The following DLGAP2 variants were observed in gnomAD, a reference collection of about 807,000 sequenced individuals.
The protein encoded by DLGAP2 is DLG associated protein 2, also known as disks large-associated protein 2.
In DLGAP2, 26 loss-of-function variants were observed where a neutral mutation model predicts 100.3. The ratio of observed to expected loss-of-function variants is 0.26; its 90% confidence interval spans 0.19 to 0.36. The LOEUF (loss-of-function observed/expected upper bound fraction) is 0.36, where lower values mean the gene tolerates loss of function less well. Ranked by LOEUF, DLGAP2 falls within the 10% of genes least tolerant of loss-of-function variation. The pLI, the probability that DLGAP2 is intolerant of heterozygous loss-of-function variation, is 1.00. For synonymous variants in DLGAP2, 886 were observed against 630.1 expected (o/e 1.41, Z -6.08); for missense variants, 1,858 against 1,453.2 (o/e 1.28, Z -4.53).
intron 2 of DLGAP2, among the ~76,000 whole-genome samples, chr8:1,206,911 C>T (rs1336226623): frequency 1.3e-5 from 2 of 152,252 alleles, no homozygotes; most frequent in Middle Eastern, 3.4e-3. Flanking sequence ...GGCCCCGTCT[C>T]CATCCACAAG....
intron 2 of DLGAP2, among the ~76,000 whole-genome samples, chr8:1,091,195 G>A (rs1046072847): frequency 6.6e-6 from 1 of 152,292 alleles, no homozygotes; most frequent in African/African-American, 2.4e-5. Context: ...TCATGTAAAC[G>A]TCACTTCGTG....
intron 2 of DLGAP2, among the ~76,000 whole-genome samples, chr8:1,053,879 A>G (rs764000574): frequency 3.9e-5 from 6 of 152,234 alleles, no homozygotes; most frequent in African/African-American, 9.6e-5. Context: ...CCTTTTCTGC[A>G]GTGCTTTTAG....
rs1340560764 is a variant in DLGAP2 at position 1,316,144 on chromosome 8, G to A, written c.106+57261G>A. ...AAAATAGAGCGTGTGCGAGTGCAGCGTCTCCCCAACAGTGGTCTACACTCG... is the reference window on the plus strand; with the variant it reads ...AAAATAGAGCGTGTGCGAGTGCAGCATCTCCCCAACAGTGGTCTACACTCG... On this transcript the variant is annotated intron_variant, in intron 3 of 14. Coordinates refer to ENST00000637795, the MANE Select transcript of DLGAP2 (RefSeq NM_001346810.2). Among the ~76,000 whole-genome samples, 8 of 116,114 alleles carry A rather than the reference G, an allele frequency of 6.9e-5. 1 individual carries two copies. The highest frequency in any genetic ancestry group is 1.9e-4 in the Admixed American group (2 of 10,640). 76.2% of individuals were successfully genotyped at this position (116,114 alleles called of 152,430 possible).
At chr8:1,042,013 C>G (rs1042844415) in intron 2 of DLGAP2, among the ~76,000 whole-genome samples, 2 of 152,174 alleles carry the variant, frequency 1.3e-5, no homozygotes, top group African/African-American at 2.4e-5. Flanking sequence ...TTCTGTGTCC[C>G]CTAGATGGAG....
intron 8 of DLGAP2, among the ~76,000 whole-genome samples, chr8:1,664,356 C>G (rs1798490416): frequency 6.6e-6 from 1 of 152,170 alleles, no homozygotes; most frequent in Non-Finnish European, 1.5e-5. Context: ...CCATCCATCT[C>G]AAGGCACGGC....
chr8:1,641,969 C>G (rs62483075), intron 8 of DLGAP2, among the ~76,000 whole-genome samples: 1 of 48,620 alleles, frequency 2.1e-5, no homozygotes. Flanking sequence ...TCACCCTCGA[C>G]CCCGCCGGTC....
intron 3 of DLGAP2, among the ~76,000 whole-genome samples, chr8:1,395,005 G>A (rs549803757): frequency 2.6e-3 from 2 of 762 alleles, no homozygotes. Flanking sequence ...CTTGTCCTCC[G>A]GAGTCGTGTA....
Position 1,185,161 on chromosome 8 carries a change from C to T in DLGAP2, c.74-73690C>T, listed in dbSNP as rs148637568. On this transcript the variant is annotated intron_variant, in intron 2 of 14. Transcript: ENST00000637795. ...GACGGCATAACTGTTGAACACGTGCCGGGCGAATGCTGTTCATTTTTATTC... is the reference window on the plus strand; with the variant it reads ...GACGGCATAACTGTTGAACACGTGCTGGGCGAATGCTGTTCATTTTTATTC... 2.0e-4 allele frequency among the ~76,000 whole-genome samples: 31 copies of T among 152,232 alleles called. No individual in the cohort carries two copies. In the South Asian group the frequency reaches 5.4e-3, roughly 27 times the overall value.
chr8:1,352,762 G>A (rs1801764680), intron 3 of DLGAP2, among the ~76,000 whole-genome samples: 2 of 152,104 alleles, frequency 1.3e-5, no homozygotes, highest in South Asian at 4.1e-4. Flanking sequence ...CTGCCTTTCT[G>A]AGGTTGGTAC....
intron 2 of DLGAP2, among the ~76,000 whole-genome samples, chr8:1,250,839 A>T (rs1375661234): frequency 6.6e-6 from 1 of 152,184 alleles, no homozygotes; most frequent in African/African-American, 2.4e-5. Context: ...CTGCTTCCTG[A>T]TTACAGTCAG....
intron 3 of DLGAP2, among the ~76,000 whole-genome samples, chr8:1,328,068 C>G (rs954928651): frequency 1.3e-5 from 2 of 151,844 alleles, no homozygotes; most frequent in East Asian, 1.9e-4. Flanking sequence ...GAGACAGAGT[C>G]TCACTCTGTC....
intron 2 of DLGAP2, among the ~76,000 whole-genome samples, chr8:1,069,383 C>T (rs1290616812): frequency 2.6e-5 from 4 of 152,270 alleles, no homozygotes; most frequent in South Asian, 4.1e-4. Context: ...GAGGACGGGC[C>T]GGCTTCTCCC....
intron 3 of DLGAP2, among the ~76,000 whole-genome samples, chr8:1,433,671 A>C (rs983118436): frequency 2.6e-5 from 4 of 151,728 alleles, no homozygotes; most frequent in African/African-American, 9.7e-5. Context: ...CAAACCACTG[A>C]ACACTGGTTA....
rs117129103 is a variant in DLGAP2 at position 747,288 on chromosome 8, C to T, written c.18+9463C>T. 6.1e-4 allele frequency among the ~76,000 whole-genome samples: 93 copies of T among 152,224 alleles called. 1 individual carries two copies. The East Asian group carries it at 0.017, about 28-fold the overall frequency. On this transcript the variant is annotated intron_variant, in intron 1 of 14. Coordinates refer to ENST00000637795, the MANE Select transcript of DLGAP2 (RefSeq NM_001346810.2). ...ATTCAGTAAAAAGACTGCAAGATATCATAAAGCAGACAGGGAAGGAGAAAC... is the reference window on the plus strand; with the variant it reads ...ATTCAGTAAAAAGACTGCAAGATATTATAAAGCAGACAGGGAAGGAGAAAC...
chr8:876,422 T>C (rs887480466), intron 1 of DLGAP2, among the ~76,000 whole-genome samples: 1 of 152,216 alleles, frequency 6.6e-6, no homozygotes, highest in African/African-American at 2.4e-5. Flanking sequence ...ATAGACAGTT[T>C]TGTTTTTCTT....
At chr8:817,189 G>C (rs147148461) in intron 1 of DLGAP2, among the ~76,000 whole-genome samples, 1 of 151,672 alleles carries the variant, frequency 6.6e-6, no homozygotes, top group East Asian at 1.9e-4. Flanking sequence ...TCTTTGATGG[G>C]CTGGGTTAAT....
intron 1 of DLGAP2, among the ~76,000 whole-genome samples, chr8:789,078 A>G (rs1197635107): frequency 2.0e-5 from 3 of 152,170 alleles, no homozygotes; most frequent in African/African-American, 4.8e-5. Flanking sequence ...TTCTTTATGT[A>G]CTTTGGACAC....
intron 2 of DLGAP2, among the ~76,000 whole-genome samples, chr8:1,116,853 G>C (rs1332713283): frequency 6.6e-6 from 1 of 152,110 alleles, no homozygotes; most frequent in Admixed American, 6.5e-5. Context: ...GGAACACGAA[G>C]AACTGAATAA....
chr8:935,331 C>T (rs1799046677), intron 2 of DLGAP2, among the ~76,000 whole-genome samples: 1 of 152,208 alleles, frequency 6.6e-6, no homozygotes, highest in Non-Finnish European at 1.5e-5. Context: ...GTCGTGAGCC[C>T]AGGATGCCCG....
Sources: gnomAD v4.1 joint callset for allele counts (sites outside exome capture counted in the v4.1 genomes callset) on GRCh38, gnomAD v4.1.1 for gene constraint, MANE v1.5 for transcripts, NCBI Gene and HGNC (gene_info 2026-07-23, HGNC 2026-07-21) for gene names.